The following OR13G1 variants were observed in gnomAD, a reference collection of about 807,000 sequenced individuals.
OR13G1 encodes olfactory receptor 13G1.
For missense variants in OR13G1, 369 were observed against 385.7 expected (o/e 0.96, Z 0.36); for synonymous variants, 128 against 136.2 (o/e 0.94, Z 0.42).
Position 247,671,987 on chromosome 1 carries a change from C to T in OR13G1, c.*131G>A. ...GTACAGAATTTTGGAGACAATGAGA[C>T]TGCTAGGAAGAAGGCAGGAATAAGA... On this transcript the variant is annotated 3_prime_UTR_variant, in exon 2 of 2. Coordinates refer to ENST00000642119, the MANE Select transcript of OR13G1 (RefSeq NM_001005487.2). 1.4e-6 allele frequency: 1 copy of T among 689,864 alleles called. No homozygotes were observed. Among genetic ancestry groups the T allele is most frequent in the East Asian group, 2.7e-5 (1 of 37,058 alleles). 42.7% of individuals were successfully genotyped at this position (689,864 alleles called of 1,614,324 possible).
chr1:247,677,931 C>G (rs1480146243), intron 1 of OR13G1, among the ~76,000 whole-genome samples: 1 of 152,046 alleles, frequency 6.6e-6, no homozygotes. Flanking sequence ...ATGGAGAAAC[C>G]CCATCTCTAA....
chr1:247,675,006 A>G (rs1012568436), intron 1 of OR13G1, among the ~76,000 whole-genome samples: 1 of 152,188 alleles, frequency 6.6e-6, no homozygotes, highest in South Asian at 2.1e-4. Flanking sequence ...AAATATTAGA[A>G]TCTTTGAAAG....
At chr1:247,676,566 A>G (rs1444573312) in intron 1 of OR13G1, among the ~76,000 whole-genome samples, 1 of 152,186 alleles carries the variant, frequency 6.6e-6, no homozygotes, top group Non-Finnish European at 1.5e-5. Flanking sequence ...AGAAAATGTA[A>G]TATACATTCT....
Position 247,672,449 on chromosome 1 carries a change from A to C in OR13G1, c.593T>G (p.Val198Gly), listed in dbSNP as rs753439317. 2 of 1,614,014 alleles carry C rather than the reference A, an allele frequency of 1.2e-6. No individual in the cohort carries two copies. Among genetic ancestry groups the C allele is most frequent in the South Asian group, 2.2e-5 (2 of 91,080 alleles). Reference sequence around the variant, plus strand: ...CCCTATGGCCAGGGTAATATCAGCAACATACACCATCACCTCATTGATTCT... The same window carrying C: ...CCCTATGGCCAGGGTAATATCAGCACCATACACCATCACCTCATTGATTCT... ...PVRINEVMVYVADITLAIGDF... is the reference protein window; with the variant it reads ...PVRINEVMVYGADITLAIGDF... Residue 198 changes from valine to glycine, a missense_variant, in exon 2 of 2, where the codon GTT becomes GGT. Val to Gly is a moderately radical substitution (Grantham distance 109, BLOSUM62 -3). Coordinates refer to ENST00000642119, the MANE Select transcript of OR13G1 (RefSeq NM_001005487.2).
intron 1 of OR13G1, among the ~76,000 whole-genome samples, chr1:247,676,761 G>A (rs1361235772): frequency 2.6e-5 from 4 of 152,036 alleles, no homozygotes; most frequent in Non-Finnish European, 5.9e-5. Context: ...CCTAGCACCC[G>A]TGATTTTTAT....
At position 247,671,485 on chromosome 1, in the gene OR13G1, T is replaced by C. The variant is rs1448911804; in HGVS notation, c.*633A>G. 1.3e-5 allele frequency: 2 copies of C among 152,804 alleles called. No homozygotes were observed. Among genetic ancestry groups the C allele is most frequent in the Admixed American group, 1.3e-4 (2 of 15,356 alleles). 9.5% of individuals were successfully genotyped at this position (152,804 alleles called of 1,614,324 possible). A position where few individuals can be genotyped will look rare whatever the true frequency, so the allele number is the denominator to read the frequency against. The stretch of plus-strand genomic sequence containing the variant: ...TGCCTAATGTCAGACTAATGTTGCA[T>C]GAGGCATAAGTGTACTCACTGGTTT... On this transcript the variant is annotated 3_prime_UTR_variant, in exon 2 of 2. Coordinates refer to ENST00000642119, the MANE Select transcript of OR13G1 (RefSeq NM_001005487.2).
At chr1:247,677,540 A>G (rs1248158879) in intron 1 of OR13G1, among the ~76,000 whole-genome samples, 5 of 152,208 alleles carry the variant, frequency 3.3e-5, no homozygotes, top group Non-Finnish European at 1.5e-5. Context: ...TATAATAATG[A>G]ATTGCCAGAA....
intron 1 of OR13G1, among the ~76,000 whole-genome samples, chr1:247,676,652 G>A (rs956037659): frequency 2.0e-5 from 3 of 152,148 alleles, no homozygotes; most frequent in Admixed American, 1.3e-4. Context: ...AATCATTGGA[G>A]TTATAAAACA....
intron 1 of OR13G1, among the ~76,000 whole-genome samples, chr1:247,677,626 AT>A (rs1440917536): frequency 2.6e-5 from 4 of 152,190 alleles, no homozygotes; most frequent in Admixed American, 2.6e-4. Flanking sequence ...AACTTAGACC[AT>A]TTTGTCTGGC....
intron 1 of OR13G1, among the ~76,000 whole-genome samples, chr1:247,677,841 A>T (rs1659379819): frequency 1.3e-5 from 2 of 152,176 alleles, no homozygotes; most frequent in South Asian, 4.1e-4. Flanking sequence ...GCGGTGGCTC[A>T]CGCCTGTAAT....
chr1:247,672,990 G>C lies in OR13G1; in HGVS notation c.52C>G (p.Pro18Ala), dbSNP rs775979190. Residue 18 changes from proline (P) to alanine (A), a missense_variant, in exon 2 of 2, where the codon CCT becomes GCT. Transcript: ENST00000642119. ...EFIILGLTKKPELQGIIFLFF... is the reference protein window; with the variant it reads ...EFIILGLTKKAELQGIIFLFF... ...AGGAAGATAATTCCCTGGAGTTCAG[G>C]CTTTTTGGTGAGGCCCAGAATAATG... 2 of 1,613,840 alleles carry C rather than the reference G, an allele frequency of 1.2e-6. No homozygotes were observed. Among genetic ancestry groups the C allele is most frequent in the Non-Finnish European group, 1.7e-6 (2 of 1,179,878 alleles).
At chr1:247,677,658 A>G (rs1215420799) in intron 1 of OR13G1, among the ~76,000 whole-genome samples, 1 of 152,228 alleles carries the variant, frequency 6.6e-6, no homozygotes, top group Non-Finnish European at 1.5e-5. Context: ...GCACTGCCAA[A>G]TAAACACTGG....
rs1354312993 is a variant in OR13G1 at position 247,671,184 on chromosome 1, TACAACTTGAAA to T, written c.*923_*933del. On this transcript the variant is annotated 3_prime_UTR_variant, in exon 2 of 2. Transcript: ENST00000642119. Reference sequence around the variant, plus strand: ...AGAATATACTCTTCCAATTGGTACTTACAACTTGAAATGGTGTAATAATATAGCTATAGCCA... The same window carrying T: ...AGAATATACTCTTCCAATTGGTACTTTGGTGTAATAATATAGCTATAGCCA... 2 of 152,164 alleles carry T rather than the reference TACAACTTGAAA, an allele frequency of 1.3e-5. No homozygotes were observed. Among genetic ancestry groups the T allele is most frequent in the Non-Finnish European group, 2.9e-5 (2 of 68,030 alleles). The allele number at this position is 152,164 out of a possible 1,614,324, so 9.4% of individuals were successfully genotyped here.
chr1:247,677,315 T>C (rs955202219), intron 1 of OR13G1, among the ~76,000 whole-genome samples: 1 of 152,106 alleles, frequency 6.6e-6, no homozygotes, highest in Non-Finnish European at 1.5e-5. Context: ...AGGAATTATT[T>C]TGTTGTTAAG....
chr1:247,674,229 T>A (rs115511401), intron 1 of OR13G1, among the ~76,000 whole-genome samples: 1,711 of 152,312 alleles, frequency 0.011, 13 homozygotes, highest in Non-Finnish European at 0.017. Flanking sequence ...GCACAGACAG[T>A]TACACGAATT....
In OR13G1 at chr1:247,679,658, A is replaced by G. The variant is rs1178652580; in HGVS notation, c.-257T>C. 4 of 152,190 alleles carry G rather than the reference A, an allele frequency of 2.6e-5. No homozygotes were observed. Among genetic ancestry groups the G allele is most frequent in the African/African-American group, 9.6e-5 (4 of 41,452 alleles). The allele number at this position is 152,190 out of a possible 1,614,324, so 9.4% of individuals were successfully genotyped here. ...TACTCACTGTAGTTTTTTGCAGAGT[A>G]TTGTCATGTTCAAATGGTGACCTGT... is the stretch of plus-strand genomic sequence containing the variant. On this transcript the variant is annotated 5_prime_UTR_variant, in exon 1 of 2. Transcript: ENST00000642119.
rs151003275 is a variant in OR13G1 at position 247,672,191 on chromosome 1, G to A, written c.851C>T (p.Pro284Leu). 66 of 1,613,890 alleles carry A rather than the reference G, an allele frequency of 4.1e-5. No individual in the cohort carries two copies. The Middle Eastern group carries it at 1.3e-3, about 32-fold the overall frequency. Residue 284 changes from proline (P) to leucine (L), a missense_variant, in exon 2 of 2, where the codon CCG (proline) becomes CTG (leucine). Pro to Leu is a moderately conservative substitution (Grantham distance 98). Transcript: ENST00000642119. ...CCTATTCTGGAAGCTGTACACCATC[G>A]GGTTTAATGTGGGAGTCACAAGAGT... ...LYTLVTPTLNPMVYSFQNREM... is the reference protein window; with the variant it reads ...LYTLVTPTLNLMVYSFQNREM...
intron 1 of OR13G1, among the ~76,000 whole-genome samples, chr1:247,678,498 T>C (rs1225643920): frequency 1.3e-5 from 2 of 152,194 alleles, no homozygotes; most frequent in Non-Finnish European, 2.9e-5. Context: ...ACTCTCATAT[T>C]CCTGAATGAC....
At chr1:247,674,719 T>C (rs948210371) in intron 1 of OR13G1, among the ~76,000 whole-genome samples, 2 of 152,022 alleles carry the variant, frequency 1.3e-5, no homozygotes, top group African/African-American at 2.4e-5. Flanking sequence ...CTTTATGTAG[T>C]TGATAAGCAA....
Sources: allele counts gnomAD v4.1 joint callset (sites outside exome capture counted in the v4.1 genomes callset), GRCh38; gene constraint gnomAD v4.1.1; transcripts MANE v1.5; gene names NCBI Gene and HGNC (gene_info 2026-07-23, HGNC 2026-07-21).